The following PCLO variants were observed in gnomAD, a reference collection of about 807,000 sequenced individuals.
PCLO encodes protein piccolo.
A neutral mutation model predicts 427.5 loss-of-function variants in PCLO; 82 were observed. The ratio of observed to expected loss-of-function variants is 0.19; its 90% CI spans 0.16 to 0.23. The LOEUF is 0.23. Among genes scored for constraint, PCLO ranks in the 10% least tolerant of loss-of-function variants. The probability of loss-of-function intolerance (pLI) is 1.00; values close to 1 mark genes in which losing one functional copy is unlikely to be tolerated. For synonymous variants in PCLO, 2,357 were observed against 2,155.4 expected (o/e 1.09, Z -2.59); for missense variants, 6,239 against 6,115.9 (o/e 1.02, Z -0.67).
At chr7:82,834,559 A>G (rs1792178954) in intron 16 of PCLO, among the ~76,000 whole-genome samples, 1 of 152,212 alleles carries the variant, frequency 6.6e-6, no homozygotes, top group Admixed American at 6.5e-5. Context: ...TGTCATAGAC[A>G]AAAACGAATG....
intron 16 of PCLO, among the ~76,000 whole-genome samples, chr7:82,833,494 T>C (rs1444401749): frequency 6.6e-6 from 1 of 152,080 alleles, no homozygotes; most frequent in African/African-American, 2.4e-5. Context: ...TTGAGTATAT[T>C]GATCAGAGGG....
chr7:82,984,456 A>G (rs1380747688), intron 3 of PCLO, among the ~76,000 whole-genome samples: 4 of 130,070 alleles, frequency 3.1e-5, no homozygotes, highest in Non-Finnish European at 6.3e-5. Flanking sequence ...GTGTTATGGA[A>G]GGCAGAAGAT....
At chr7:83,017,403 C>A (rs1168122197) in intron 3 of PCLO, among the ~76,000 whole-genome samples, 1 of 151,790 alleles carries the variant, frequency 6.6e-6, no homozygotes, top group Non-Finnish European at 1.5e-5. Flanking sequence ...AACTAAAGCA[C>A]ATATGATAAA....
At chr7:83,022,047 C>T (rs1788357103) in intron 3 of PCLO, among the ~76,000 whole-genome samples, 1 of 152,078 alleles carries the variant, frequency 6.6e-6, no homozygotes, top group Non-Finnish European at 1.5e-5. Context: ...AAATCTAACC[C>T]ACAAAATGTG....
intron 3 of PCLO, among the ~76,000 whole-genome samples, chr7:83,039,096 T>C (rs1282058765): frequency 2.0e-5 from 3 of 152,038 alleles, no homozygotes; most frequent in Admixed American, 6.6e-5. Context: ...CTAAAGAGCA[T>C]TCTAATAGTT....
At chr7:83,128,380 G>A (rs1231923518) in intron 3 of PCLO, among the ~76,000 whole-genome samples, 1 of 152,060 alleles carries the variant, frequency 6.6e-6, no homozygotes, top group Admixed American at 6.6e-5. Flanking sequence ...TTCATACTAA[G>A]TTTTTGAAAT....
At chr7:82,933,795 A>G (rs7781142) in intron 6 of PCLO, among the ~76,000 whole-genome samples, 83,482 of 151,794 alleles carry the variant, frequency 0.55, 23,410 homozygotes, top group East Asian at 0.8. Flanking sequence ...TGATCTTTCT[A>G]TGATTCTTCT....
intron 20 of PCLO, among the ~76,000 whole-genome samples, chr7:82,814,828 G>A (rs1791643245): frequency 6.6e-6 from 1 of 151,954 alleles, no homozygotes; most frequent in East Asian, 1.9e-4. Context: ...ATCCCTGAAA[G>A]GGTTTCTGGG....
intron 3 of PCLO, among the ~76,000 whole-genome samples, chr7:83,111,174 C>T (rs1021156255): frequency 2.0e-5 from 3 of 152,168 alleles, no homozygotes; most frequent in Admixed American, 6.5e-5. Context: ...ACATTCTCTC[C>T]TTCACAAAAT....
Position 82,951,893 on chromosome 7 carries a change from G to A in PCLO, c.9060C>T (p.Asp3020=). ...KNAFDYSEGT[D]TAVDLTSGRV... ...TCCCTGAAGTCAGATCTACTGCTGT[G>A]TCAGTTCCTTCAGAATAATCAAAAG... Residue 3020 remains aspartate, a synonymous_variant, in exon 5 of 25, where the codon GAC becomes GAT. Transcript: ENST00000333891. The A allele has an allele frequency of 2.5e-6, 4 of 1,613,558 alleles. No individual in the cohort carries two copies. Among genetic ancestry groups the A allele is most frequent in the Non-Finnish European group, 3.4e-6 (4 of 1,179,722 alleles).
intron 10 of PCLO, among the ~76,000 whole-genome samples, chr7:82,850,418 G>A (rs1584046725): frequency 6.6e-6 from 1 of 152,112 alleles, no homozygotes; most frequent in East Asian, 1.9e-4. Flanking sequence ...ACTAAACACT[G>A]AAAAAGACAA....
At chr7:82,927,272 T>C (rs961600660) in intron 6 of PCLO, among the ~76,000 whole-genome samples, 3 of 152,184 alleles carry the variant, frequency 2.0e-5, no homozygotes, top group Non-Finnish European at 4.4e-5. Flanking sequence ...TAGCGTAGGT[T>C]TAAAGTACTT....
chr7:83,003,022 A>C (rs56054498), intron 3 of PCLO, among the ~76,000 whole-genome samples: 2 of 151,348 alleles, frequency 1.3e-5, no homozygotes, highest in African/African-American at 4.8e-5. Context: ...ATATACCTTA[A>C]TGGAAATATA....
intron 3 of PCLO, among the ~76,000 whole-genome samples, chr7:83,022,285 C>T (rs1218231671): frequency 6.6e-6 from 1 of 152,184 alleles, no homozygotes; most frequent in Non-Finnish European, 1.5e-5. Flanking sequence ...GAAAGCAATA[C>T]ATTTTTGTTG....
chr7:83,068,940 A>G (rs1789738776), intron 3 of PCLO, among the ~76,000 whole-genome samples: 1 of 152,210 alleles, frequency 6.6e-6, no homozygotes, highest in African/African-American at 2.4e-5. Flanking sequence ...ACACATACAC[A>G]GTGAAACATT....
intron 22 of PCLO, among the ~76,000 whole-genome samples, chr7:82,764,284 T>G (rs1471853222): frequency 6.6e-6 from 1 of 151,672 alleles, no homozygotes; most frequent in Non-Finnish European, 1.5e-5. Context: ...TTAGACATTA[T>G]AAAAACTATA....
chr7:82,881,436 C>T (rs2116056634), intron 9 of PCLO, among the ~76,000 whole-genome samples: 1 of 152,220 alleles, frequency 6.6e-6, no homozygotes, highest in East Asian at 1.9e-4. Context: ...TAAAGTAGCA[C>T]AGGCACAATA....
At chr7:83,037,366 C>T (rs1562932373) in intron 3 of PCLO, among the ~76,000 whole-genome samples, 1 of 151,946 alleles carries the variant, frequency 6.6e-6, no homozygotes, top group Non-Finnish European at 1.5e-5. Context: ...AGCCTATCAC[C>T]ATATCATAAA....
At chr7:82,995,456 A>G (rs780900925) in intron 3 of PCLO, among the ~76,000 whole-genome samples, 1 of 152,034 alleles carries the variant, frequency 6.6e-6, no homozygotes, top group Non-Finnish European at 1.5e-5. Context: ...AAATTGGTGT[A>G]AGAAAGTGCT....
Sources: gnomAD v4.1 joint callset for allele counts (sites outside exome capture counted in the v4.1 genomes callset) on GRCh38, gnomAD v4.1.1 for gene constraint, MANE v1.5 for transcripts, NCBI Gene and HGNC (gene_info 2026-07-23, HGNC 2026-07-21) for gene names.